Variants in TMEM132D observed in about 807,000 individuals in gnomAD.
TMEM132D encodes mature OL transmembrane protein.
TMEM132D carries 21 observed loss-of-function variants against 62.3 expected under a neutral mutation model. The ratio of observed to expected loss-of-function variants is 0.34; its 90% CI spans 0.24 to 0.49. The LOEUF is 0.49. Ranked by LOEUF, TMEM132D falls within the 20% of genes least tolerant of loss-of-function variation. TMEM132D has a pLI of 0.99. For synonymous variants in TMEM132D, 621 were observed against 575.6 expected, an observed-to-expected ratio of 1.08 and a Z score of -1.13; for missense variants, 1,346 against 1,402.8, an observed-to-expected ratio of 0.96 and a Z score of 0.65.
At position 129,535,571 on chromosome 12, in the gene TMEM132D, G is replaced by A. The variant is rs138855291; in HGVS notation, c.969-4366C>T. ...CCCCAAAGAGAAACTCCCTACTTAC[G>A]CAATCTTGTCAGTGGAAGTGTTCTT... On this transcript the variant is annotated intron_variant, in intron 2 of 8. Coordinates refer to ENST00000422113, the MANE Select transcript of TMEM132D (RefSeq NM_133448.3). 1.2e-4 allele frequency among the ~76,000 whole-genome samples: 19 copies of A among 152,302 alleles called. 1 individual carries two copies. The highest frequency in any genetic ancestry group is 3.1e-4 in the African/African-American group (13 of 41,564).
chr12:129,524,667 G>A (rs530032581), intron 3 of TMEM132D, among the ~76,000 whole-genome samples: 1 of 152,096 alleles, frequency 6.6e-6, no homozygotes, highest in African/African-American at 2.4e-5. Context: ...TAATTTCAGG[G>A]TCACAGGACG....
At chr12:129,557,424 A>T (rs1006187798) in intron 2 of TMEM132D, among the ~76,000 whole-genome samples, 2 of 152,304 alleles carry the variant, frequency 1.3e-5, no homozygotes, top group Middle Eastern at 3.4e-3. Flanking sequence ...TATAAGATGA[A>T]CAAGTTATGG....
At chr12:129,199,824 G>T (rs185779806) in intron 5 of TMEM132D, among the ~76,000 whole-genome samples, 1 of 152,026 alleles carries the variant, frequency 6.6e-6, no homozygotes, top group East Asian at 1.9e-4. Context: ...GGAAAGACCC[G>T]CCCCCACGTT....
chr12:129,894,561 C>A (rs1472067204), intron 1 of TMEM132D, among the ~76,000 whole-genome samples: 1 of 152,174 alleles, frequency 6.6e-6, no homozygotes. Flanking sequence ...TAATTCGAAG[C>A]TTCATGTAAC....
intron 2 of TMEM132D, among the ~76,000 whole-genome samples, chr12:129,552,166 G>C (rs1476699295): frequency 6.6e-6 from 1 of 152,184 alleles, no homozygotes; most frequent in African/African-American, 2.4e-5. Context: ...ACAACTCCAA[G>C]TCAAACCATT....
At chr12:129,838,177 T>A (rs1873066075) in intron 1 of TMEM132D, among the ~76,000 whole-genome samples, 1 of 152,214 alleles carries the variant, frequency 6.6e-6, no homozygotes, top group African/African-American at 2.4e-5. Flanking sequence ...TAAATCAGGA[T>A]TAAAAGCCAC....
chr12:129,895,008 T>C (rs1020091548), intron 1 of TMEM132D, among the ~76,000 whole-genome samples: 1 of 152,180 alleles, frequency 6.6e-6, no homozygotes, highest in Non-Finnish European at 1.5e-5. Context: ...GCTGCTCTTC[T>C]GAGGTTTGCG....
intron 1 of TMEM132D, among the ~76,000 whole-genome samples, chr12:129,813,982 T>G (rs1872270265): frequency 6.6e-6 from 1 of 152,118 alleles, no homozygotes; most frequent in South Asian, 2.1e-4. Context: ...AACAAGAAAT[T>G]TGTCATATCT....
At chr12:129,215,000 A>T (rs1331499327) in intron 4 of TMEM132D, among the ~76,000 whole-genome samples, 1 of 152,222 alleles carries the variant, frequency 6.6e-6, no homozygotes, top group East Asian at 1.9e-4. Context: ...CCATGAAGAC[A>T]CAGGCATGTG....
intron 5 of TMEM132D, among the ~76,000 whole-genome samples, chr12:129,099,708 A>T (rs886937647): frequency 6.6e-6 from 1 of 152,164 alleles, no homozygotes; most frequent in Non-Finnish European, 1.5e-5. Context: ...GGTCAAGAAC[A>T]CCTTCTTCCA....
intron 2 of TMEM132D, among the ~76,000 whole-genome samples, chr12:129,580,754 T>TC (rs1453274201): frequency 2.0e-5 from 3 of 151,800 alleles, no homozygotes; most frequent in Non-Finnish European, 2.9e-5. Context: ...AATAAATAAA[T>TC]AAATCACTGT....
chr12:129,145,573 A>G (rs1313993870), intron 5 of TMEM132D, among the ~76,000 whole-genome samples: 2 of 151,988 alleles, frequency 1.3e-5, no homozygotes, highest in Non-Finnish European at 2.9e-5. Flanking sequence ...GTCTCCTGCC[A>G]AGATCTTCTG....
In TMEM132D at chr12:129,837,742, T is replaced by C. The variant is rs542556423; in HGVS notation, c.79+65519A>G. Among the ~76,000 whole-genome samples, 6 of 152,302 alleles carry C rather than the reference T, an allele frequency of 3.9e-5. No individual in the cohort carries two copies. In the South Asian group the frequency reaches 6.2e-4, roughly 16 times the overall value. Reference sequence around the variant, plus strand: ...GATTTACTTCCCAACCACACACCCATGTCTCTCTCAGAATGAATGAGCTAC... The same window carrying C: ...GATTTACTTCCCAACCACACACCCACGTCTCTCTCAGAATGAATGAGCTAC... On this transcript the variant is annotated intron_variant, in intron 1 of 8. Coordinates refer to ENST00000422113, the MANE Select transcript of TMEM132D (RefSeq NM_133448.3).
chr12:129,520,094 G>A (rs1875806798), intron 3 of TMEM132D, among the ~76,000 whole-genome samples: 1 of 152,210 alleles, frequency 6.6e-6, no homozygotes, highest in South Asian at 2.1e-4. Flanking sequence ...CACCATAGGT[G>A]TGTAAGACAG....
At chr12:129,605,596 TATATATATACACACAC>T (rs1467207505) in intron 2 of TMEM132D, among the ~76,000 whole-genome samples, 3 of 64,240 alleles carry the variant, frequency 4.7e-5, no homozygotes, top group East Asian at 9.8e-4. Context: ...ATTATATATA[TATATATATACACACAC>T]ATATATATAT....
In TMEM132D at chr12:129,748,602, G is replaced by C. The variant is rs550394727; in HGVS notation, c.80-47904C>G. ...TTTCAACGAGGAGGTTCAATATATA[G>C]CTGGAAAGAAAGTTCTGGAACGAAG... On this transcript the variant is annotated intron_variant, in intron 1 of 8. Transcript: ENST00000422113. Among the ~76,000 whole-genome samples, 6 of 152,314 alleles carry C rather than the reference G, an allele frequency of 3.9e-5. No individual in the cohort carries two copies. In the East Asian group the frequency reaches 1.2e-3, roughly 29 times the overall value.
At chr12:129,621,964 C>T (rs985008848) in intron 2 of TMEM132D, among the ~76,000 whole-genome samples, 1 of 152,124 alleles carries the variant, frequency 6.6e-6, no homozygotes, top group Non-Finnish European at 1.5e-5. Context: ...CTCTCCCTAG[C>T]GCCCATTTGA....
intron 1 of TMEM132D, among the ~76,000 whole-genome samples, chr12:129,889,116 C>G (rs1874840189): frequency 6.6e-6 from 1 of 152,178 alleles, no homozygotes; most frequent in African/African-American, 2.4e-5. Flanking sequence ...GAATAGAACA[C>G]AGGAAGGACA....
intron 5 of TMEM132D, among the ~76,000 whole-genome samples, chr12:129,165,950 T>C (rs1201387516): frequency 1.3e-5 from 2 of 152,228 alleles, no homozygotes; most frequent in African/African-American, 4.8e-5. Context: ...AGCCCTGGGT[T>C]ATCCTGTTTA....
Sources: gnomAD v4.1 joint callset for allele counts (sites outside exome capture counted in the v4.1 genomes callset) on GRCh38, gnomAD v4.1.1 for gene constraint, MANE v1.5 for transcripts, NCBI Gene and HGNC (gene_info 2026-07-23, HGNC 2026-07-21) for gene names.